Variants in DEPDC5 observed in about 807,000 individuals in gnomAD.
DEPDC5 encodes DEP domain containing 5, GATOR1 subcomplex subunit.
DEPDC5 carries 73 observed loss-of-function variants against 217.3 expected under a neutral mutation model. The ratio of observed to expected loss-of-function variants is 0.34; its 90% CI spans 0.28 to 0.41. DEPDC5 has a LOEUF of 0.41. Among genes scored for constraint, DEPDC5 ranks in the 10% least tolerant of loss-of-function variants. The pLI is 1.00. For missense variants in DEPDC5, 1,675 were observed against 2,070.1 expected (o/e 0.81, Z 3.70); for synonymous variants, 733 against 756.7 (o/e 0.97, Z 0.51).
chr22:31,859,425 A>G (rs2092434151), intron 32 of DEPDC5, among the ~76,000 whole-genome samples: 2 of 126,340 alleles, frequency 1.6e-5, no homozygotes, highest in Admixed American at 8.7e-5. Context: ...TTGCTCTGTC[A>G]CCCAGGCTGA....
intron 40 of DEPDC5, among the ~76,000 whole-genome samples, chr22:31,901,495 G>A (rs2093648025): frequency 6.6e-6 from 1 of 152,190 alleles, no homozygotes; most frequent in Admixed American, 6.5e-5. Flanking sequence ...ACTGACTGCT[G>A]AGGACTTCAC....
At chr22:31,890,062 A>G (rs1462879396) in intron 38 of DEPDC5, among the ~76,000 whole-genome samples, 1 of 152,154 alleles carries the variant, frequency 6.6e-6, no homozygotes, top group African/African-American at 2.4e-5. Context: ...AACAGAAGGA[A>G]AAGAGGAGAG....
At chr22:31,892,925 G>A (rs1487716982) in intron 38 of DEPDC5, among the ~76,000 whole-genome samples, 3 of 148,198 alleles carry the variant, frequency 2.0e-5, no homozygotes, top group Non-Finnish European at 4.4e-5. Context: ...TGCCAGACTG[G>A]AGTGCAATGG....
intron 8 of DEPDC5, among the ~76,000 whole-genome samples, chr22:31,781,856 G>A (rs1012593674): frequency 6.6e-6 from 1 of 152,006 alleles, no homozygotes; most frequent in Non-Finnish European, 1.5e-5. Flanking sequence ...GCAACAGAGG[G>A]AGACCCCATC....
At chr22:31,819,950 T>A (rs1407705328) in intron 22 of DEPDC5, among the ~76,000 whole-genome samples, 1 of 152,110 alleles carries the variant, frequency 6.6e-6, no homozygotes, top group African/African-American at 2.4e-5. Flanking sequence ...TGAAAAAAAA[T>A]TTTCCCCTGA....
intron 24 of DEPDC5, 34 bp from the exon 25 acceptor site, chr22:31,833,881 C>G (rs753005516): frequency 6.7e-7 from 1 of 1,485,202 alleles, no homozygotes; most frequent in Non-Finnish European, 9.0e-7. Context: ...CAGAGTGAGC[C>G]TTCTTAAGAC....
At chr22:31,902,583 G>A (rs1310277571) in intron 41 of DEPDC5, among the ~76,000 whole-genome samples, 1 of 151,946 alleles carries the variant, frequency 6.6e-6, no homozygotes, top group South Asian at 2.1e-4. Flanking sequence ...GGCAAGGGTG[G>A]CTGATTTCCT....
At chr22:31,877,967 C>A (rs1427255207) in intron 37 of DEPDC5, among the ~76,000 whole-genome samples, 1 of 152,008 alleles carries the variant, frequency 6.6e-6, no homozygotes, top group Non-Finnish European at 1.5e-5. Context: ...GTGGGTGGAT[C>A]ATGAGGTCAA....
chr22:31,762,440 G>T (rs2082473552), intron 4 of DEPDC5, among the ~76,000 whole-genome samples: 1 of 152,148 alleles, frequency 6.6e-6, no homozygotes, highest in South Asian at 2.1e-4. Context: ...TAGTTCTTAA[G>T]AGAAAAAAAC....
At position 31,906,525 on chromosome 22, in the gene DEPDC5, G is replaced by T. The variant is rs191393863; in HGVS notation, c.*28G>T. On this transcript the variant is annotated 3_prime_UTR_variant, in exon 43 of 43. Coordinates refer to ENST00000651528, the MANE Select transcript of DEPDC5 (RefSeq NM_001242896.3). This position sits in a 1 kb window ranked among gnomAD's most constrained non-coding sequence, Gnocchi z 5.1. ...CCAGGCTGCACCTGTGCTGGGGGAA[G>T]GTGGGTGAGCCACTGCCCTCAAACC... 7.1e-5 allele frequency: 110 copies of T among 1,556,878 alleles called. No individual in the cohort carries two copies. The highest frequency in any genetic ancestry group is 1.7e-4 in the Middle Eastern group (1 of 5,846).
chr22:31,876,299 G>A (rs781367102), intron 37 of DEPDC5, 34 bp downstream of exon 37: 1 of 1,569,774 alleles, frequency 6.4e-7, no homozygotes, highest in East Asian at 2.2e-5. Flanking sequence ...TGCCCACAGG[G>A]GCAAGTGTTT....
chr22:31,792,627 A>AG (rs1417674146), intron 11 of DEPDC5, 118 bp from the exon 12 acceptor site: 2 of 633,694 alleles, frequency 3.2e-6, no homozygotes, highest in East Asian at 9.2e-5. Flanking sequence ...AAAAAAAAAA[A>AG]AAAAAGACAG....
intron 29 of DEPDC5, among the ~76,000 whole-genome samples, 200 bp downstream of exon 29, chr22:31,844,012 G>A (rs941323688): frequency 2.6e-5 from 4 of 151,970 alleles, no homozygotes; most frequent in African/African-American, 7.3e-5. Flanking sequence ...GATCACCTGA[G>A]GTCAGGAGTT....
chr22:31,836,884 C>T lies in DEPDC5; in HGVS notation c.2171-88C>T, dbSNP rs536395572. On this transcript the variant is annotated intron_variant, in intron 25 of 42. Coordinates refer to ENST00000651528, the MANE Select transcript of DEPDC5 (RefSeq NM_001242896.3). ...CTTTCACCCTGAACTTTTTTCCCCA[C>T]TCTTCCCTCCCCTTCCCTCCCCTGG... 3.7e-5 allele frequency: 46 copies of T among 1,233,638 alleles called. 1 individual carries two copies. In the South Asian group the frequency reaches 6.4e-4, roughly 17 times the overall value. The allele number at this position is 1,233,638 out of a possible 1,614,324, so 76.4% of individuals were successfully genotyped here. A position where few individuals can be genotyped will look rare whatever the true frequency, so the allele number is the denominator to read the frequency against.
intron 28 of DEPDC5, 123 bp from the exon 29 acceptor site, chr22:31,843,522 G>T: frequency 8.6e-7 from 1 of 1,161,056 alleles, no homozygotes; most frequent in Non-Finnish European, 1.2e-6. Context: ...GGGATAAGTT[G>T]GTTACTACAG....
In DEPDC5 at chr22:31,879,577, C is replaced by T. The variant is rs192246855; in HGVS notation, c.3858C>T (p.Phe1286=). 1.1e-5 allele frequency: 18 copies of T among 1,613,426 alleles called. No homozygotes were observed. Among genetic ancestry groups the T allele is most frequent in the Admixed American group, 8.3e-5 (5 of 60,026 alleles). The change falls in exon 38 of 43, where the codon TTC becomes TTT. Residue 1286 remains phenylalanine (F), a synonymous_variant. Transcript: ENST00000651528. ...TTWHTAGVDD[F]ASFQRKWFEV... Reference sequence around the variant, plus strand: ...GGCACACAGCAGGAGTGGACGACTTCGCCAGCTTCCAGCGCAAGTGGTTTG... The same window carrying T: ...GGCACACAGCAGGAGTGGACGACTTTGCCAGCTTCCAGCGCAAGTGGTTTG...
At chr22:31,790,901 A>G (rs769956137) in intron 10 of DEPDC5, among the ~76,000 whole-genome samples, 1 of 151,798 alleles carries the variant, frequency 6.6e-6, no homozygotes. Context: ...CGCGTGCCAC[A>G]TTGCCTGGGT....
intron 25 of DEPDC5, 187 bp downstream of exon 25, chr22:31,834,167 TGACTGAATG>T: frequency 1.5e-6 from 1 of 666,082 alleles, no homozygotes; most frequent in Non-Finnish European, 2.7e-6. Flanking sequence ...AGGGGGTGTG[TGACTGAATG>T]ACCTGTTTTG....
intron 2 of DEPDC5, among the ~76,000 whole-genome samples, chr22:31,755,879 G>T (rs1569505490): frequency 6.6e-6 from 1 of 150,828 alleles, no homozygotes; most frequent in Non-Finnish European, 1.5e-5. Flanking sequence ...TTATTTATTG[G>T]CATTTTTTTT....
Sources: gnomAD v4.1 joint callset for allele counts (sites outside exome capture counted in the v4.1 genomes callset) on GRCh38, gnomAD v4.1.1 for gene constraint, Gnocchi (gnomAD v3.1) non-coding constraint, MANE v1.5 for transcripts, NCBI Gene and HGNC (gene_info 2026-07-23, HGNC 2026-07-21) for gene names.